LINGO1: variants seen among roughly 807,000 people sequenced by gnomAD.
LINGO1 encodes the protein leucine rich repeat and Ig domain containing 1.
In LINGO1, 11 loss-of-function variants were observed where a neutral mutation model predicts 37.3. The ratio of observed to expected loss-of-function variants is 0.29; its 90% CI spans 0.19 to 0.49. The LOEUF is 0.49. Among genes scored for constraint, LINGO1 ranks in the 20% least tolerant of loss-of-function variants. The pLI is 0.99. For missense variants in LINGO1, 585 were observed against 878.2 expected (o/e 0.67, Z 4.22); for synonymous variants, 387 against 403.0 (o/e 0.96, Z 0.48).
chr15:77,633,628 C>T (rs2074333765), upstream of LINGO1, among the ~76,000 whole-genome samples: 1 of 152,220 alleles, frequency 6.6e-6, no homozygotes, highest in Non-Finnish European at 1.5e-5. Context: ...CGGCAGGCCT[C>T]TCTGGCCCGC....
chr15:77,753,193 C>T (rs1405257095), intron 1 of LINGO1, among the ~76,000 whole-genome samples: 1 of 152,244 alleles, frequency 6.6e-6, no homozygotes, highest in Non-Finnish European at 1.5e-5. Flanking sequence ...GAGGCAGACA[C>T]ACAGTAGGTG....
chr15:77,691,670 A>G (rs754554816), intron 1 of LINGO1, among the ~76,000 whole-genome samples: 6 of 152,094 alleles, frequency 3.9e-5, no homozygotes, highest in Non-Finnish European at 5.9e-5. Context: ...TTGGGCACAG[A>G]GCCGTTATTT....
At chr15:77,629,544 G>A (rs760492603) in intron 1 of LINGO1, among the ~76,000 whole-genome samples, 8 of 152,136 alleles carry the variant, frequency 5.3e-5, no homozygotes, top group Non-Finnish European at 1.2e-4. Flanking sequence ...ACCCTTCTCT[G>A]AGTGCCTGTG....
intron 2 of LINGO1, among the ~76,000 whole-genome samples, chr15:77,729,852 C>G (rs2076138174): frequency 6.6e-6 from 1 of 152,232 alleles, no homozygotes; most frequent in Admixed American, 6.5e-5. Context: ...TTCTAATGCT[C>G]CCCAAGCTTT....
At chr15:77,628,595 C>T (rs9920113) in intron 1 of LINGO1, among the ~76,000 whole-genome samples, 27,811 of 152,088 alleles carry the variant, frequency 0.18, 5,400 homozygotes, top group African/African-American at 0.49. Flanking sequence ...AAAGAGGCAA[C>T]GGGACGGGGT....
chr15:77,620,452 TGGCCACC>T (rs1229079435), intron 1 of LINGO1, among the ~76,000 whole-genome samples: 1 of 152,180 alleles, frequency 6.6e-6, no homozygotes, highest in Non-Finnish European at 1.5e-5. Flanking sequence ...GACAGGCTGC[TGGCCACC>T]GGCCACACCC....
chr15:77,688,919 G>T (rs918602145), intron 2 of LINGO1, among the ~76,000 whole-genome samples: 1 of 152,228 alleles, frequency 6.6e-6, no homozygotes, highest in Non-Finnish European at 1.5e-5. Context: ...GTGCTGGGAC[G>T]CAGTGACTAG....
upstream of LINGO1, among the ~76,000 whole-genome samples, chr15:77,790,031 T>A (rs1787251094): frequency 1.3e-5 from 2 of 152,084 alleles, no homozygotes; most frequent in Admixed American, 6.5e-5. Flanking sequence ...CTCAACCTCC[T>A]AAAGTGCTAG....
chr15:77,647,567 C>A (rs2074661814), intron 3 of LINGO1, among the ~76,000 whole-genome samples: 1 of 152,136 alleles, frequency 6.6e-6, no homozygotes, highest in Non-Finnish European at 1.5e-5. Flanking sequence ...AATTACAGTG[C>A]TAAGGATCAC....
At chr15:77,672,325 C>T (rs965987733) in intron 3 of LINGO1, among the ~76,000 whole-genome samples, 3 of 152,260 alleles carry the variant, frequency 2.0e-5, no homozygotes, top group East Asian at 1.9e-4. Flanking sequence ...CACCAGCCCC[C>T]ACTCAGTGTC....
At chr15:77,778,498 GCCT>G (rs1305777858) in intron 1 of LINGO1, among the ~76,000 whole-genome samples, 1 of 152,152 alleles carries the variant, frequency 6.6e-6, no homozygotes, top group Non-Finnish European at 1.5e-5. Context: ...ACAGCTGAGT[GCCT>G]CATTTCACCC....
intron 2 of LINGO1, among the ~76,000 whole-genome samples, chr15:77,722,837 C>T (rs767017535): frequency 6.6e-6 from 1 of 152,136 alleles, no homozygotes; most frequent in East Asian, 1.9e-4. Context: ...CAAGGGCACC[C>T]GATGGATGCT....
At chr15:77,781,978 G>T (rs1173294954) in intron 1 of LINGO1, among the ~76,000 whole-genome samples, 1 of 152,202 alleles carries the variant, frequency 6.6e-6, no homozygotes, top group Non-Finnish European at 1.5e-5. Flanking sequence ...CTGGGGGTTG[G>T]GGACAGGAGC....
chr15:77,697,746 G>C (rs2075715227), upstream of LINGO1, among the ~76,000 whole-genome samples: 1 of 152,196 alleles, frequency 6.6e-6, no homozygotes, highest in African/African-American at 2.4e-5. Context: ...AGGGTAGTGG[G>C]CATCTGATCC....
Position 77,614,320 on chromosome 15 carries a change from G to C in LINGO1, c.1587C>G (p.Phe529Leu), listed in dbSNP as rs368812956. The change falls in exon 2 of 2, where the codon TTC becomes TTG. Residue 529 changes from phenylalanine to leucine, a missense_variant. Physicochemically the swap from Phe to Leu is conservative, Grantham distance 22. This residue lies in a region of LINGO1 where 484 missense variants were observed against 735.0 expected (regional missense o/e 0.66). Coordinates refer to ENST00000355300, the MANE Select transcript of LINGO1 (RefSeq NM_032808.7). ...PDWPHQPNKT[F>L]AFISNQPGEG... ...CGCCCGGCTGGTTGGAGATGAAAGC[G>C]AAGGTCTTGTTGGGCTGATGGGGCC... 1.9e-6 allele frequency: 3 copies of C among 1,613,982 alleles called. No individual in the cohort carries two copies.
At chr15:77,638,817 G>C (rs1032155859), upstream of LINGO1, among the ~76,000 whole-genome samples, 1 of 152,120 alleles carries the variant, frequency 6.6e-6, no homozygotes, top group Non-Finnish European at 1.5e-5. Flanking sequence ...GACTCCCAGT[G>C]GTCCCTGCCT....
chr15:77,786,247 A>G (rs8039244), intron 1 of LINGO1, among the ~76,000 whole-genome samples: 145,178 of 152,038 alleles, frequency 0.95, 69,360 homozygotes, highest in Admixed American at 0.97. Flanking sequence ...GGAGGTTAGT[A>G]TGCCACTTGG....
chr15:77,758,079 G>A (rs35310964), intron 1 of LINGO1, among the ~76,000 whole-genome samples: 26,325 of 152,144 alleles, frequency 0.17, 2,696 homozygotes, highest in Middle Eastern at 0.24. Flanking sequence ...TCAACAGCTC[G>A]CCCCTCCCTC....
At chr15:77,646,619 A>G (rs2141125453) in intron 3 of LINGO1, 1 of 312,600 alleles carries the variant, frequency 3.2e-6, no homozygotes, top group African/African-American at 2.2e-5. Flanking sequence ...CAGATGTGGC[A>G]GAGCATAAAA....
Sources: allele counts gnomAD v4.1 joint callset (sites outside exome capture counted in the v4.1 genomes callset), GRCh38; gene constraint gnomAD v4.1.1; regional missense constraint gnomAD v4.1.1; transcripts MANE v1.5; gene names NCBI Gene and HGNC (gene_info 2026-07-23, HGNC 2026-07-21).